The following PEAK1 variants were observed in gnomAD, a reference collection of about 807,000 sequenced individuals.
PEAK1 encodes inactive tyrosine-protein kinase PEAK1.
A neutral mutation model predicts 124.7 loss-of-function variants in PEAK1; 54 were observed. That is an observed-to-expected ratio of 0.43 (90% CI 0.35 to 0.54). PEAK1 has a LOEUF of 0.54. Among genes scored for constraint, PEAK1 ranks in the 20% least tolerant of loss-of-function variants. The probability of loss-of-function intolerance (pLI) is 0.01; values close to 1 mark genes in which losing one functional copy is unlikely to be tolerated. For missense variants in PEAK1, 2,046 were observed against 2,134.5 expected (o/e 0.96, Z 0.82); for synonymous variants, 719 against 760.0 (o/e 0.95, Z 0.89).
At chr15:77,140,460 TAC>T (rs1567019969) in intron 8 of PEAK1, among the ~76,000 whole-genome samples, 1 of 152,108 alleles carries the variant, frequency 6.6e-6, no homozygotes, top group Non-Finnish European at 1.5e-5. Flanking sequence ...CAATGTAATA[TAC>T]CATGCCAATG....
chr15:77,134,022 A>G (rs1416399874), intron 8 of PEAK1, among the ~76,000 whole-genome samples: 2 of 152,168 alleles, frequency 1.3e-5, no homozygotes, highest in Non-Finnish European at 2.9e-5. Flanking sequence ...TGTTTTCAAA[A>G]AGGAAACCAG....
At position 77,408,084 on chromosome 15, in the gene PEAK1, CAT is replaced by C. The variant is rs1254014157; in HGVS notation, c.-666+11920_-666+11921del. 1.4e-4 allele frequency among the ~76,000 whole-genome samples: 21 copies of C among 146,410 alleles called. No homozygotes were observed. In the East Asian group the frequency reaches 3.7e-3, roughly 26 times the overall value. On this transcript the variant is annotated intron_variant, in intron 1 of 9. Transcript: ENST00000682557. ...AGATACACATATATACATATATACA[CAT>C]ATATACACACACATATATACATATA...
intron 2 of PEAK1, among the ~76,000 whole-genome samples, chr15:77,360,721 T>C (rs1273958092): frequency 1.3e-5 from 2 of 152,120 alleles, no homozygotes. Context: ...ATTCCCTGAA[T>C]ATACCAAGGC....
At position 77,247,455 on chromosome 15, in the gene PEAK1, AT is replaced by A. The variant is rs754252225; in HGVS notation, c.-115+4911del. Among the ~76,000 whole-genome samples, 45 of 100,192 alleles carry A rather than the reference AT, an allele frequency of 4.5e-4. No individual in the cohort carries two copies. In the East Asian group the frequency reaches 5.0e-3, roughly 11 times the overall value. 65.7% of individuals were successfully genotyped at this position (100,192 alleles called of 152,430 possible). A position where few individuals can be genotyped will look rare whatever the true frequency, so the allele number is the denominator to read the frequency against. On this transcript the variant is annotated intron_variant, in intron 6 of 9. Coordinates refer to ENST00000682557, the MANE Select transcript of PEAK1 (RefSeq NM_001385026.1). Reference sequence around the variant, plus strand: ...TTATATGGGTCATATGGGGTTTTTAATTTTTTTTTTCTCTTTTTTCTTTTCT... The same window carrying A: ...TTATATGGGTCATATGGGGTTTTTAATTTTTTTTTCTCTTTTTTCTTTTCT...
rs74025108 is a variant in PEAK1, at chr15:77,350,882, G to A, written c.-603+14281C>T. ...GAGCACTCCATTTCTCAATCACCTT[G>A]GATACGCAGGCATTTACTACAAACA... is the stretch of plus-strand genomic sequence containing the variant. On this transcript the variant is annotated intron_variant, in intron 2 of 9. Coordinates refer to ENST00000682557, the MANE Select transcript of PEAK1 (RefSeq NM_001385026.1). The A allele has an allele frequency of 1.2e-4, 117 of 985,070 alleles. No individual in the cohort carries two copies. The African/African-American group carries it at 2.0e-3, about 17-fold the overall frequency. The allele number at this position is 985,070 out of a possible 1,614,324, so 61.0% of individuals were successfully genotyped here.
In PEAK1 at chr15:77,272,844, T is replaced by C. The variant is rs140181655; in HGVS notation, c.-275+11039A>G. Reference sequence around the variant, plus strand: ...TACAAACCAATATCCCTGATGAACATAGATGCAAAAATCCTTAACAAAATA... The same window carrying C: ...TACAAACCAATATCCCTGATGAACACAGATGCAAAAATCCTTAACAAAATA... On this transcript the variant is annotated intron_variant, in intron 5 of 9. Transcript: ENST00000682557. Among the ~76,000 whole-genome samples, 733 of 152,162 alleles carry C rather than the reference T, an allele frequency of 4.8e-3. 4 individuals carry two copies. The highest frequency in any genetic ancestry group is 0.016 in the African/African-American group (675 of 41,520).
At position 77,112,587 on chromosome 15, in the gene PEAK1, G is replaced by C. The variant is rs2051040309; in HGVS notation, c.*1569C>G. 1 of 151,856 alleles carries C rather than the reference G, an allele frequency of 6.6e-6. No homozygotes were observed. The highest frequency in any genetic ancestry group is 2.4e-5 in the African/African-American group (1 of 41,324). The allele number at this position is 151,856 out of a possible 1,614,324, so 9.4% of individuals were successfully genotyped here. On this transcript the variant is annotated 3_prime_UTR_variant, in exon 10 of 10. Coordinates refer to ENST00000682557, the MANE Select transcript of PEAK1 (RefSeq NM_001385026.1). ...CACACACATTGTTCGAGTGACTCTT[G>C]GGATTTCAAGGTCAAAGTAAACACA... is the stretch of plus-strand genomic sequence containing the variant.
intron 5 of PEAK1, among the ~76,000 whole-genome samples, chr15:77,261,264 C>T (rs980270148): frequency 6.6e-5 from 10 of 152,120 alleles, no homozygotes; most frequent in East Asian, 1.9e-4. Context: ...GGAACAAAGC[C>T]GGATGGAGAA....
At chr15:77,292,785 A>G (rs2063288925) in intron 2 of PEAK1, among the ~76,000 whole-genome samples, 1 of 152,208 alleles carries the variant, frequency 6.6e-6, no homozygotes, top group Admixed American at 6.5e-5. Flanking sequence ...TAACTTATGT[A>G]TGTATATGAA....
chr15:77,186,307 C>T (rs2057543970), intron 6 of PEAK1, among the ~76,000 whole-genome samples: 1 of 152,102 alleles, frequency 6.6e-6, no homozygotes. Context: ...GTAAGTAGTA[C>T]AATATATTTG....
intron 5 of PEAK1, among the ~76,000 whole-genome samples, chr15:77,264,722 A>G (rs374907953): frequency 1.2e-4 from 18 of 152,194 alleles, no homozygotes; most frequent in Admixed American, 9.8e-4. Context: ...TCAAGCTACC[A>G]ATGACTTTCT....
chr15:77,261,555 T>A (rs1034592174), intron 5 of PEAK1, among the ~76,000 whole-genome samples: 1 of 150,148 alleles, frequency 6.7e-6, no homozygotes, highest in Non-Finnish European at 1.5e-5. Flanking sequence ...AATGCGAGTT[T>A]AGAAAAAAAG....
At chr15:77,269,265 T>C (rs183477928) in intron 5 of PEAK1, among the ~76,000 whole-genome samples, 5 of 152,226 alleles carry the variant, frequency 3.3e-5, no homozygotes, top group African/African-American at 7.2e-5. Context: ...TCTGCTGTCT[T>C]CAAGAGACTC....
At chr15:77,128,568 G>A (rs1312972424) in intron 9 of PEAK1, among the ~76,000 whole-genome samples, 1 of 152,228 alleles carries the variant, frequency 6.6e-6, no homozygotes, top group Non-Finnish European at 1.5e-5. Context: ...GCTTGCAGGG[G>A]AGAGTATCAA....
At chr15:77,107,597 T>G (rs1405791928), downstream of PEAK1, 1 of 152,280 alleles carries the variant, frequency 6.6e-6, no homozygotes, top group Non-Finnish European at 1.5e-5. Context: ...TTGCTACCAC[T>G]GCTGACTCTT....
At chr15:77,234,377 C>T (rs2060027642) in intron 6 of PEAK1, among the ~76,000 whole-genome samples, 1 of 151,984 alleles carries the variant, frequency 6.6e-6, no homozygotes. Flanking sequence ...TAATTTGGTC[C>T]TTTATTTTCT....
At chr15:77,330,943 G>A (rs2065856569) in intron 2 of PEAK1, 1 of 767,254 alleles carries the variant, frequency 1.3e-6, no homozygotes, top group South Asian at 5.9e-5. Flanking sequence ...ACAATTCCTG[G>A]GATACAGTAG....
chr15:77,320,640 CTTTA>C (rs911303901), intron 2 of PEAK1, among the ~76,000 whole-genome samples: 8 of 152,156 alleles, frequency 5.3e-5, no homozygotes, highest in South Asian at 2.1e-4. Context: ...AAGTTTAAGA[CTTTA>C]TTTATTTTTT....
At chr15:77,233,702 A>T (rs2059999469) in intron 6 of PEAK1, among the ~76,000 whole-genome samples, 1 of 152,126 alleles carries the variant, frequency 6.6e-6, no homozygotes, top group African/African-American at 2.4e-5. Context: ...TATTTTTTGT[A>T]TAACCGTCTT....
Sources: gnomAD v4.1 joint callset for allele counts (sites outside exome capture counted in the v4.1 genomes callset) on GRCh38, gnomAD v4.1.1 for gene constraint, MANE v1.5 for transcripts, NCBI Gene and HGNC (gene_info 2026-07-23, HGNC 2026-07-21) for gene names.